ITGBL1: variants seen among roughly 807,000 people sequenced by gnomAD.
The protein encoded by ITGBL1 is integrin subunit beta like 1, also known as integrin beta-like protein 1.
ITGBL1 carries 51 observed loss-of-function variants against 68.5 expected under a neutral mutation model. The observed-to-expected ratio is 0.74, with a 90% CI of 0.59 to 0.94. The LOEUF (loss-of-function observed/expected upper bound fraction) is 0.94. Among genes scored for constraint, ITGBL1 ranks in the 40% least tolerant of loss-of-function variants. The pLI is 0.00. For synonymous variants in ITGBL1, 209 were observed against 227.3 expected (o/e 0.92, Z 0.72); for missense variants, 649 against 647.4 (o/e 1.00, Z -0.03).
At chr13:101,705,310 C>A (rs58502164) in intron 8 of ITGBL1, among the ~76,000 whole-genome samples, 1,040 of 68,382 alleles carry the variant, frequency 0.015, 15 homozygotes, top group African/African-American at 0.042. Flanking sequence ...AAAAAAAAAA[C>A]AACAACAACA....
intron 8 of ITGBL1, among the ~76,000 whole-genome samples, chr13:101,697,989 G>T (rs557530841): frequency 6.6e-6 from 1 of 152,246 alleles, no homozygotes; most frequent in South Asian, 2.1e-4. Context: ...AAAGCAATTA[G>T]TCCCCCCCAT....
intron 2 of ITGBL1, among the ~76,000 whole-genome samples, chr13:101,455,708 CTTG>C (rs1359340596): frequency 1.3e-5 from 2 of 152,150 alleles, no homozygotes; most frequent in African/African-American, 4.8e-5. Flanking sequence ...GATGCCACAA[CTTG>C]TTATTTAACT....
In ITGBL1 at chr13:101,453,892, G is replaced by A; in HGVS notation, c.108G>A (p.Pro36=). 1.6e-6 allele frequency: 2 copies of A among 1,246,608 alleles called. No individual in the cohort carries two copies. The highest frequency in any genetic ancestry group is 2.0e-6 in the Non-Finnish European group (2 of 996,422). The allele number at this position is 1,246,608 out of a possible 1,614,324, so 77.2% of individuals were successfully genotyped here. A position where few individuals can be genotyped will look rare whatever the true frequency, so the allele number is the denominator to read the frequency against. Residue 36 remains proline, a synonymous_variant, in exon 2 of 11, where the codon CCG becomes CCA. Transcript: ENST00000376180. ...CTTGTCGCCCGCGCAGGAGCTGGCC[G>A]GGCGCCGCCTGCAGGCTGTCCCGGG... The part of the protein sequence containing the change: ...QSFSPSLRSW[P]GAACRLSRAE...
intron 7 of ITGBL1, among the ~76,000 whole-genome samples, chr13:101,611,032 G>A (rs7999749): frequency 0.29 from 44,609 of 151,928 alleles, 6,663 homozygotes; most frequent in African/African-American, 0.36. Context: ...AGAACAGGAA[G>A]CATACTCACT....
chr13:101,627,095 G>A (rs1002801080), intron 7 of ITGBL1, among the ~76,000 whole-genome samples: 1 of 152,036 alleles, frequency 6.6e-6, no homozygotes, highest in African/African-American at 2.4e-5. Flanking sequence ...GAAACTTGCG[G>A]TTTTCTGTTT....
chr13:101,717,366 T>A (rs2034765386), downstream of ITGBL1: 1 of 152,168 alleles, frequency 6.6e-6, no homozygotes, highest in Non-Finnish European at 1.5e-5. Flanking sequence ...TATTATTGAG[T>A]ACGTAAATTG....
chr13:101,456,887 C>T (rs1431936616), intron 2 of ITGBL1, among the ~76,000 whole-genome samples: 1 of 152,030 alleles, frequency 6.6e-6, no homozygotes, highest in Non-Finnish European at 1.5e-5. Context: ...TGCACTCTAG[C>T]CTAGGAAACA....
At chr13:101,669,450 A>G (rs2033303889) in intron 7 of ITGBL1, among the ~76,000 whole-genome samples, 1 of 152,180 alleles carries the variant, frequency 6.6e-6, no homozygotes, top group Non-Finnish European at 1.5e-5. Flanking sequence ...GTCTGAGGAG[A>G]ATGCAAAGGT....
At chr13:101,598,130 T>C (rs1295473745) in intron 6 of ITGBL1, 23 bp from the exon 7 acceptor site, 2 of 1,572,098 alleles carry the variant, frequency 1.3e-6, no homozygotes, top group Admixed American at 4.0e-5. Flanking sequence ...ACATTTTTAT[T>C]TTTTGCCACT....
Position 101,590,291 on chromosome 13 carries a change from G to A in ITGBL1, c.868+6935G>A, listed in dbSNP as rs148299627. On this transcript the variant is annotated intron_variant, in intron 6 of 10. Transcript: ENST00000376180. The stretch of plus-strand genomic sequence containing the variant: ...AATGGATTTCAGATAGGAAAAAATG[G>A]TTGCTTTTAAACATGGATTCCGACT... Among the ~76,000 whole-genome samples, 217 of 152,220 alleles carry A rather than the reference G, an allele frequency of 1.4e-3. 2 individuals are homozygous for A. The highest frequency in any genetic ancestry group is 5.0e-3 in the African/African-American group (206 of 41,534).
At chr13:101,511,157 A>G (rs922233898) in intron 2 of ITGBL1, among the ~76,000 whole-genome samples, 3 of 151,922 alleles carry the variant, frequency 2.0e-5, no homozygotes, top group African/African-American at 7.2e-5. Flanking sequence ...TTCCTAATTT[A>G]TTGTTTTCTT....
intron 8 of ITGBL1, among the ~76,000 whole-genome samples, chr13:101,698,979 C>T (rs544477691): frequency 5.4e-4 from 82 of 152,284 alleles, no homozygotes; most frequent in Admixed American, 8.5e-4. Context: ...AATCAGTTCA[C>T]ATTTCTTCAG....
chr13:101,606,327 G>T (rs570144410), intron 7 of ITGBL1, among the ~76,000 whole-genome samples: 2 of 151,182 alleles, frequency 1.3e-5, no homozygotes, highest in South Asian at 2.1e-4. Context: ...CTTACATTCT[G>T]TATCCTGTGA....
intron 2 of ITGBL1, among the ~76,000 whole-genome samples, chr13:101,515,720 C>T (rs969960202): frequency 3.9e-5 from 6 of 151,934 alleles, no homozygotes; most frequent in African/African-American, 9.7e-5. Context: ...TAATTGACAG[C>T]GGAACAGACT....
chr13:101,575,679 C>T (rs1351811272), intron 4 of ITGBL1, 133 bp downstream of exon 4: 2 of 874,654 alleles, frequency 2.3e-6, no homozygotes, highest in Non-Finnish European at 3.5e-6. Flanking sequence ...ATCTGGAAAA[C>T]ATTTCACATA....
At chr13:101,500,842 A>C (rs1237238057) in intron 2 of ITGBL1, among the ~76,000 whole-genome samples, 2 of 152,212 alleles carry the variant, frequency 1.3e-5, no homozygotes. Flanking sequence ...ATCAGAGTCT[A>C]CTGCAACATC....
At chr13:101,572,690 A>G (rs1254682062) in intron 3 of ITGBL1, among the ~76,000 whole-genome samples, 1 of 151,994 alleles carries the variant, frequency 6.6e-6, no homozygotes, top group African/African-American at 2.4e-5. Flanking sequence ...TGAGACAGGA[A>G]GTCTCTGAGC....
chr13:101,649,122 G>T (rs1011663952), intron 7 of ITGBL1, among the ~76,000 whole-genome samples: 1 of 152,152 alleles, frequency 6.6e-6, no homozygotes, highest in African/African-American at 2.4e-5. Flanking sequence ...TTTAGTTTTA[G>T]AGTCTTGTTG....
Position 101,629,979 on chromosome 13 carries a change from C to A in ITGBL1, c.1015+31680C>A, listed in dbSNP as rs562808093. The stretch of plus-strand genomic sequence containing the variant: ...CTGGGATTACAGGTGCCTGCCACCA[C>A]GCCCGGCTCATTTTTTGTATTTTTA... On this transcript the variant is annotated intron_variant, in intron 7 of 10. Transcript: ENST00000376180. Among the ~76,000 whole-genome samples the A allele has an allele frequency of 1.6e-4, 24 of 152,184 alleles. No individual in the cohort carries two copies. The South Asian group carries it at 5.0e-3, about 32-fold the overall frequency.
Sources: allele counts gnomAD v4.1 joint callset (sites outside exome capture counted in the v4.1 genomes callset), GRCh38; gene constraint gnomAD v4.1.1; transcripts MANE v1.5; gene names NCBI Gene and HGNC (gene_info 2026-07-23, HGNC 2026-07-21).